Variants in IL17RA observed in about 807,000 individuals in gnomAD.
IL17RA encodes interleukin 17 receptor A, also known as interleukin-17 receptor A.
Under a neutral mutation model 50.4 loss-of-function variants are expected in IL17RA, and 34 were observed. That is an observed-to-expected ratio of 0.67 (90% CI 0.51 to 0.90). The LOEUF (loss-of-function observed/expected upper bound fraction) is 0.90, where lower values mean the gene tolerates loss of function less well. Ranked by LOEUF, IL17RA falls within the 40% of genes least tolerant of loss-of-function variation. The pLI, the probability that IL17RA is intolerant of heterozygous loss-of-function variation, is 0.00. For missense variants in IL17RA, 1,276 were observed against 1,169.8 expected, an observed-to-expected ratio of 1.09 and a Z score of -1.32; for synonymous variants, 585 against 510.4, an observed-to-expected ratio of 1.15 and a Z score of -1.97.
At position 17,109,446 on chromosome 22, in the gene IL17RA, G is replaced by A. The variant is rs762273876; in HGVS notation, c.2227G>A (p.Asp743Asn). 1.2e-6 allele frequency: 2 copies of A among 1,613,388 alleles called. No individual in the cohort carries two copies. The stretch of plus-strand genomic sequence containing the variant: ...GGCGTCTCCTGACCTCCTTCCAGAG[G>A]ACGTGAGGGAGCACCTCGAAGGCTT... ...PMASPDLLPE[D>N]VREHLEGLML... Residue 743 changes from aspartate (D) to asparagine (N), a missense_variant, in exon 13 of 13, where the codon GAC (aspartate) becomes AAC (asparagine). Coordinates refer to ENST00000319363, the MANE Select transcript of IL17RA (RefSeq NM_014339.7).
intron 1 of IL17RA, among the ~76,000 whole-genome samples, chr22:17,089,314 C>T (rs1220168523): frequency 1.3e-5 from 2 of 152,176 alleles, no homozygotes; most frequent in Admixed American, 6.5e-5. Context: ...TCTGTGGGAC[C>T]TTGAGCCACT....
At chr22:17,097,691 C>A in intron 2 of IL17RA, 106 bp from the exon 3 acceptor site, 1 of 1,408,036 alleles carries the variant, frequency 7.1e-7, no homozygotes, top group East Asian at 2.3e-5. Context: ...GGCTGGAAGG[C>A]CGCGGGCCCC....
At position 17,112,018 on chromosome 22, in the gene IL17RA, T is replaced by C. The variant is rs1375941371; in HGVS notation, c.*2198T>C. On this transcript the variant is annotated 3_prime_UTR_variant, in exon 13 of 13. Coordinates refer to ENST00000319363, the MANE Select transcript of IL17RA (RefSeq NM_014339.7). ...AGCCACTAGCCTTTTGGGCTCAGTC[T>C]CTCCAATAATCCTGGAGAGGGGCTT... 3.9e-5 allele frequency: 6 copies of C among 152,138 alleles called. No homozygotes were observed. The highest frequency in any genetic ancestry group is 7.3e-5 in the Non-Finnish European group (5 of 68,028). 9.4% of individuals were successfully genotyped at this position (152,138 alleles called of 1,614,324 possible).
chr22:17,092,899 T>G (rs1257310143), intron 1 of IL17RA, among the ~76,000 whole-genome samples: 4 of 152,222 alleles, frequency 2.6e-5, no homozygotes, highest in Non-Finnish European at 5.9e-5. Flanking sequence ...AGACTAACCC[T>G]TCTATTGAAT....
At chr22:17,101,863 G>C (rs2061392586) in intron 5 of IL17RA, 133 bp from the exon 6 acceptor site, 2 of 1,051,692 alleles carry the variant, frequency 1.9e-6, no homozygotes, top group African/African-American at 1.6e-5. Flanking sequence ...CAGCCCTGGA[G>C]CTCACTCTGA....
At chr22:17,093,569 T>G (rs2061355196) in intron 1 of IL17RA, 1 of 152,260 alleles carries the variant, frequency 6.6e-6, no homozygotes, top group South Asian at 2.1e-4. Flanking sequence ...ATTCATTCAT[T>G]TGTTCATTTT....
chr22:17,097,718 T>C, intron 2 of IL17RA, 79 bp from the exon 3 acceptor site: 1 of 1,583,770 alleles, frequency 6.3e-7, no homozygotes, highest in Admixed American at 1.7e-5. Context: ...GTTTGCTGTC[T>C]AGCTGTCTGT....
intron 1 of IL17RA, among the ~76,000 whole-genome samples, chr22:17,093,430 C>T (rs1161271791): frequency 6.6e-6 from 1 of 152,164 alleles, no homozygotes; most frequent in Non-Finnish European, 1.5e-5. Context: ...AAGCCCTGAA[C>T]GTTATAAGGT....
rs765167585 is a variant in IL17RA, at chr22:17,098,834, C to T, written c.370C>T (p.Arg124Cys). ...TGTCCTGCAGCTGAACACCAATGAACGTTTGTGCGTCAGGTTTGAGTTTCT... is the reference window on the plus strand; with the variant it reads ...TGTCCTGCAGCTGAACACCAATGAATGTTTGTGCGTCAGGTTTGAGTTTCT... ...LSVLQLNTNERLCVRFEFLSK... is the reference protein window; with the variant it reads ...LSVLQLNTNECLCVRFEFLSK... Residue 124 changes from arginine (R) to cysteine (C), a missense_variant, in exon 4 of 13, where the codon CGT (arginine) becomes TGT (cysteine). Physicochemically the swap from Arg to Cys is radical, Grantham distance 180. Transcript: ENST00000319363. 1.7e-5 allele frequency: 27 copies of T among 1,614,180 alleles called. No homozygotes were observed. The East Asian group carries it at 2.5e-4, about 15-fold the overall frequency.
Position 17,108,315 on chromosome 22 carries a change from C to T in IL17RA, c.1096C>T (p.Pro366Ser), listed in dbSNP as rs1440204541. 1.2e-6 allele frequency: 2 copies of T among 1,614,078 alleles called. No homozygotes were observed. Among genetic ancestry groups the T allele is most frequent in the Admixed American group, 3.3e-5 (2 of 60,018 alleles). Residue 366 changes from proline (P) to serine (S), a missense_variant, in exon 13 of 13, where the codon CCT becomes TCT. By Grantham distance (74) the Pro-to-Ser change is moderately conservative (BLOSUM62 -1). Transcript: ENST00000319363. ...SDDTKYTDGL[P>S]AADLIPPPLK... ...TGGTCTTGTTTCCTTAGATGGCCTG[C>T]CTGCGGCTGACCTGATCCCCCCACC...
intron 11 of IL17RA, 146 bp downstream of exon 11, chr22:17,106,100 T>G (rs1212495969): frequency 1.4e-6 from 1 of 714,178 alleles, no homozygotes. Context: ...CTGAGTGAAA[T>G]AAGACACATG....
Position 17,108,902 on chromosome 22 carries a change from C to T in IL17RA, c.1683C>T (p.Ser561=), listed in dbSNP as rs1258338015. The T allele has an allele frequency of 1.2e-6, 2 of 1,611,464 alleles. No individual in the cohort carries two copies. Among genetic ancestry groups the T allele is most frequent in the Non-Finnish European group, 8.5e-7 (1 of 1,179,292 alleles). ...GELSGDNYLR[S]PGGRQLRAAL... Reference sequence around the variant, plus strand: ...TGTCGGGGGACAACTACCTGCGGAGCCCGGGCGGCAGGCAGCTCCGCGCCG... The same window carrying T: ...TGTCGGGGGACAACTACCTGCGGAGTCCGGGCGGCAGGCAGCTCCGCGCCG... The change falls in exon 13 of 13, where the codon AGC becomes AGT. Residue 561 remains serine, a synonymous_variant. Transcript: ENST00000319363.
chr22:17,111,785 T>G lies in IL17RA; in HGVS notation c.*1965T>G, dbSNP rs1238025104. 1.3e-5 allele frequency: 2 copies of G among 152,174 alleles called. No individual in the cohort carries two copies. The highest frequency in any genetic ancestry group is 4.8e-5 in the African/African-American group (2 of 41,432). 9.4% of individuals were successfully genotyped at this position (152,174 alleles called of 1,614,324 possible). On this transcript the variant is annotated 3_prime_UTR_variant, in exon 13 of 13. Transcript: ENST00000319363. ...GATTATCAATAAAAGTGCATAAATTTGTTGATCTGGTAAGAGTTTCTAGCA... is the reference window on the plus strand; with the variant it reads ...GATTATCAATAAAAGTGCATAAATTGGTTGATCTGGTAAGAGTTTCTAGCA...
At chr22:17,094,679 C>A (rs1478552376) in intron 1 of IL17RA, among the ~76,000 whole-genome samples, 8,849 of 47,670 alleles carry the variant, frequency 0.19, 1,677 homozygotes, top group Non-Finnish European at 0.26. Context: ...CTCTCTCTCT[C>A]TCTCTCTCTC....
rs759971906 is a variant in IL17RA, at chr22:17,105,936, A to G, written c.1027A>G (p.Met343Val). Reference protein sequence around the residue: ...VGSVILLIVCMTWRLAGPGSE... With the variant: ...VGSVILLIVCVTWRLAGPGSE... ...CTCCGTCATCCTGCTCATCGTCTGCATGACCTGGAGGCTAGCTGGTAAGCG... is the reference window on the plus strand; with the variant it reads ...CTCCGTCATCCTGCTCATCGTCTGCGTGACCTGGAGGCTAGCTGGTAAGCG... Residue 343 changes from methionine to valine, a missense_variant, in exon 11 of 13, where the codon ATG becomes GTG. Coordinates refer to ENST00000319363, the MANE Select transcript of IL17RA (RefSeq NM_014339.7). 1.2e-6 allele frequency: 2 copies of G among 1,614,008 alleles called. No homozygotes were observed. Among genetic ancestry groups the G allele is most frequent in the African/African-American group, 1.3e-5 (1 of 74,930 alleles).
chr22:17,089,183 A>C (rs2061339250), intron 1 of IL17RA, among the ~76,000 whole-genome samples: 1 of 152,128 alleles, frequency 6.6e-6, no homozygotes, highest in Admixed American at 6.5e-5. Context: ...TCGGCCTCCA[A>C]AAATGTTGGG....
rs1601353879 is a variant in IL17RA, at chr22:17,113,426, G to A, written c.*3606G>A. The A allele has an allele frequency of 1.3e-5, 2 of 152,226 alleles. No homozygotes were observed. The highest frequency in any genetic ancestry group is 1.9e-4 in the East Asian group (1 of 5,198). The allele number at this position is 152,226 out of a possible 1,614,324, so 9.4% of individuals were successfully genotyped here. On this transcript the variant is annotated 3_prime_UTR_variant, in exon 13 of 13. Coordinates refer to ENST00000319363, the MANE Select transcript of IL17RA (RefSeq NM_014339.7). Reference sequence around the variant, plus strand: ...TGTCCAGGCTGGTCACGAACTCCTGGGCTCAAGCCATCTGCCCGCCTCATC... The same window carrying A: ...TGTCCAGGCTGGTCACGAACTCCTGAGCTCAAGCCATCTGCCCGCCTCATC...
chr22:17,094,689 C>CTATA (rs1435523726), intron 1 of IL17RA, among the ~76,000 whole-genome samples: 32 of 39,292 alleles, frequency 8.1e-4, no homozygotes, highest in South Asian at 1.7e-3. Context: ...CTCTCTCTCT[C>CTATA]TCTATATATA....
intron 9 of IL17RA, 146 bp downstream of exon 9, chr22:17,104,956 G>A (rs2061408243): frequency 1.3e-6 from 1 of 775,482 alleles, no homozygotes; most frequent in African/African-American, 1.7e-5. Flanking sequence ...CTGAAGTGTG[G>A]AGTGGGGCTT....
Sources: gnomAD v4.1 joint callset for allele counts (sites outside exome capture counted in the v4.1 genomes callset) on GRCh38, gnomAD v4.1.1 for gene constraint, MANE v1.5 for transcripts, NCBI Gene and HGNC (gene_info 2026-07-23, HGNC 2026-07-21) for gene names.